The following TMPRSS15 variants were observed in gnomAD, a reference collection of about 807,000 sequenced individuals.
TMPRSS15 encodes enteropeptidase.
In TMPRSS15, 128 loss-of-function variants were observed where a neutral mutation model predicts 125.3. The observed-to-expected ratio is 1.02, with a 90% confidence interval of 0.89 to 1.18. The LOEUF (loss-of-function observed/expected upper bound fraction) is 1.18. TMPRSS15 is among the 50% of genes most tolerant of loss of function. TMPRSS15 has a pLI of 0.00. For missense variants in TMPRSS15, 1,283 were observed against 1,212.7 expected, an observed-to-expected ratio of 1.06 and a Z score of -0.86; for synonymous variants, 446 against 423.2, an observed-to-expected ratio of 1.05 and a Z score of -0.66.
At chr21:18,437,946 T>C (rs1251972471) in intron 1 of TMPRSS15, among the ~76,000 whole-genome samples, 2 of 151,472 alleles carry the variant, frequency 1.3e-5, no homozygotes, top group African/African-American at 2.4e-5. Context: ...GAACTAGAAA[T>C]ACCATTTGAC....
chr21:18,330,262 A>G (rs2075331552), intron 14 of TMPRSS15, among the ~76,000 whole-genome samples: 1 of 152,136 alleles, frequency 6.6e-6, no homozygotes, highest in African/African-American at 2.4e-5. Flanking sequence ...AGTTCAAATC[A>G]CTATAGTTTC....
At position 18,294,613 on chromosome 21, in the gene TMPRSS15, A is replaced by G. The variant is rs761081488; in HGVS notation, c.2301T>C (p.Cys767=). 32 of 1,611,776 alleles carry G rather than the reference A, an allele frequency of 2.0e-5. No homozygotes were observed. In the South Asian group the frequency reaches 3.5e-4, roughly 18 times the overall value. Residue 767 remains cysteine (C), a synonymous_variant, in exon 20 of 25, where the codon TGT becomes TGC. Coordinates refer to ENST00000284885, the MANE Select transcript of TMPRSS15 (RefSeq NM_002772.3). ...CLQDSLIRLQ[C]NHKSCGKKLA... is the part of the protein sequence containing the mutation. ...AACATATTTACTTACATTTATGGTT[A>G]CACTGTAACCGAATCAAGGAATCCT...
chr21:18,382,558 A>G (rs910978473), intron 4 of TMPRSS15, among the ~76,000 whole-genome samples: 5 of 152,206 alleles, frequency 3.3e-5, no homozygotes, highest in African/African-American at 1.2e-4. Flanking sequence ...GGATGTTTTT[A>G]TGTATTTGAT....
chr21:18,329,125 T>G lies in TMPRSS15; in HGVS notation c.1780+44A>C, dbSNP rs375329840. ...AAACGCTCTTTCCATCAGCACAACATCTTGAGCTTTACAACCTTTACAATA... is the reference window on the plus strand; with the variant it reads ...AAACGCTCTTTCCATCAGCACAACAGCTTGAGCTTTACAACCTTTACAATA... On this transcript the variant is annotated intron_variant, in intron 15 of 24. Coordinates refer to ENST00000284885, the MANE Select transcript of TMPRSS15 (RefSeq NM_002772.3). 3 of 1,608,460 alleles carry G rather than the reference T, an allele frequency of 1.9e-6. No homozygotes were observed. The East Asian group carries it at 6.7e-5, about 36-fold the overall frequency.
chr21:18,330,231 G>A (rs897580720), intron 14 of TMPRSS15, among the ~76,000 whole-genome samples: 2 of 151,858 alleles, frequency 1.3e-5, no homozygotes, highest in African/African-American at 4.8e-5. Flanking sequence ...ACTTCTCAAC[G>A]TCCCTTGCCA....
At chr21:18,302,087 A>C (rs1015697234) in intron 18 of TMPRSS15, among the ~76,000 whole-genome samples, 7 of 152,210 alleles carry the variant, frequency 4.6e-5, no homozygotes, top group Non-Finnish European at 1.0e-4. Flanking sequence ...TCCCTGGAGC[A>C]GGAGCTTAGG....
At chr21:18,470,478 T>C (rs900127411) in intron 1 of TMPRSS15, among the ~76,000 whole-genome samples, 5 of 152,028 alleles carry the variant, frequency 3.3e-5, no homozygotes, top group Non-Finnish European at 7.4e-5. Context: ...AATAAATGAA[T>C]TCTAAGCAAA....
intron 22 of TMPRSS15, among the ~76,000 whole-genome samples, chr21:18,279,874 T>G (rs528567103): frequency 6.6e-6 from 1 of 152,284 alleles, no homozygotes; most frequent in African/African-American, 2.4e-5. Context: ...AGGGCAATTA[T>G]GGAAGCATTG....
At chr21:18,313,491 T>C (rs965394369) in intron 17 of TMPRSS15, among the ~76,000 whole-genome samples, 3 of 151,392 alleles carry the variant, frequency 2.0e-5, no homozygotes, top group East Asian at 1.9e-4. Flanking sequence ...ATTTTTCAAA[T>C]ATACAGCAAA....
chr21:18,364,447 A>G (rs1281284191), intron 7 of TMPRSS15, among the ~76,000 whole-genome samples: 1 of 152,172 alleles, frequency 6.6e-6, no homozygotes, highest in Non-Finnish European at 1.5e-5. Flanking sequence ...GAGTTTTAAT[A>G]AGTTTATTTC....
chr21:18,347,997 A>G (rs2075526692), intron 10 of TMPRSS15, among the ~76,000 whole-genome samples: 2 of 152,170 alleles, frequency 1.3e-5, no homozygotes, highest in Non-Finnish European at 1.5e-5. Flanking sequence ...GGAGTTTGAC[A>G]ACATAATGAG....
chr21:18,275,004 C>T (rs1018500795), intron 24 of TMPRSS15, among the ~76,000 whole-genome samples, 193 bp downstream of exon 24: 13 of 152,160 alleles, frequency 8.5e-5, no homozygotes, highest in Non-Finnish European at 1.9e-4. Context: ...AACCTATTTT[C>T]TTAAAAAATA....
chr21:18,377,469 T>G (rs2075855573), intron 5 of TMPRSS15, among the ~76,000 whole-genome samples: 1 of 152,114 alleles, frequency 6.6e-6, no homozygotes, highest in Non-Finnish European at 1.5e-5. Context: ...AGTCACCATG[T>G]TGACGATGGT....
chr21:18,403,072 C>T (rs553648737), intron 1 of TMPRSS15, among the ~76,000 whole-genome samples: 3 of 152,064 alleles, frequency 2.0e-5, no homozygotes, highest in Non-Finnish European at 4.4e-5. Flanking sequence ...GTTAACTTTG[C>T]ATGTTTATCT....
At chr21:18,471,305 G>A (rs558896736) in intron 1 of TMPRSS15, among the ~76,000 whole-genome samples, 1 of 152,134 alleles carries the variant, frequency 6.6e-6, no homozygotes, top group South Asian at 2.1e-4. Context: ...TTGCTATAGT[G>A]TTAGATGCAT....
intron 1 of TMPRSS15, among the ~76,000 whole-genome samples, chr21:18,438,487 AC>A (rs1216999438): frequency 3.9e-5 from 6 of 152,312 alleles, no homozygotes; most frequent in Admixed American, 1.3e-4. Flanking sequence ...AATAAAAAAA[AC>A]AAAAAACATT....
Position 18,343,973 on chromosome 21 carries a change from G to A in TMPRSS15, c.1259C>T (p.Pro420Leu), listed in dbSNP as rs1291343451. Residue 420 changes from proline to leucine, a missense_variant, in exon 11 of 25, where the codon CCA becomes CTA. Transcript: ENST00000284885. ...LSLPLDPTLE[P>L]ACLSFWYHMY... ...AACATACCAGAAACTAAGGCAAGCT[G>A]GCTCCAAAGTGGGGTCCAAAGGGAG... is the stretch of plus-strand genomic sequence containing the variant. The A allele has an allele frequency of 6.2e-7, 1 of 1,614,052 alleles. No individual in the cohort carries two copies. Among genetic ancestry groups the A allele is most frequent in the Non-Finnish European group, 8.5e-7 (1 of 1,179,980 alleles).
intron 15 of TMPRSS15, among the ~76,000 whole-genome samples, chr21:18,327,727 C>T (rs2075306197): frequency 6.6e-6 from 1 of 151,810 alleles, no homozygotes; most frequent in Admixed American, 6.6e-5. Context: ...AGATAAAACA[C>T]TTTTTTTGTG....
chr21:18,343,709 C>A, intron 11 of TMPRSS15, 53 bp from the exon 12 acceptor site: 3 of 1,557,374 alleles, frequency 1.9e-6, no homozygotes, highest in Non-Finnish European at 2.7e-6. Context: ...TAGAATAAGT[C>A]CTTTTCAGAG....
Sources: gnomAD v4.1 joint callset for allele counts (sites outside exome capture counted in the v4.1 genomes callset) on GRCh38, gnomAD v4.1.1 for gene constraint, MANE v1.5 for transcripts, NCBI Gene and HGNC (gene_info 2026-07-23, HGNC 2026-07-21) for gene names.